The following IGBP1 variants were observed in gnomAD, a reference collection of about 807,000 sequenced individuals.
IGBP1 encodes immunoglobulin binding protein 1, also known as immunoglobulin-binding protein 1.
A neutral mutation model predicts 25.9 loss-of-function variants in IGBP1; 2 were observed. The observed-to-expected ratio is 0.08, with a 90% CI of 0.03 to 0.24. IGBP1 has a LOEUF of 0.24. Among genes scored for constraint, IGBP1 ranks in the 10% least tolerant of loss-of-function variants. IGBP1 has a pLI of 1.00. For synonymous variants in IGBP1, 96 were observed against 93.4 expected (o/e 1.03, Z -0.16); for missense variants, 187 against 260.4 (o/e 0.72, Z 1.94).
In IGBP1 at chrX:70,134,076, C is replaced by G. The variant is rs1194774053; in HGVS notation, c.129C>G (p.Phe43Leu). 8.3e-7 allele frequency: 1 copy of G among 1,211,849 alleles called. No homozygotes were observed. The highest frequency in any genetic ancestry group is 1.7e-5 in the African/African-American group (1 of 57,906). The change falls in exon 2 of 7, where the codon TTC becomes TTG. Residue 43 changes from phenylalanine to leucine, a missense_variant. Coordinates refer to ENST00000356413, the MANE Select transcript of IGBP1 (RefSeq NM_001551.3). ...AGSRIVQEKV[F>L]KGLDLLEKAA... ...CCCGGATAGTCCAGGAGAAGGTGTT[C>G]AAGGGCTTGGACCTCCTTGAGAAGG...
chrX:70,148,343 A>G (rs902972058), intron 4 of IGBP1, among the ~76,000 whole-genome samples: 2 of 112,001 alleles, frequency 1.8e-5, no homozygotes, highest in Non-Finnish European at 3.8e-5. Flanking sequence ...AATTAAGTGC[A>G]TAAGTACATT....
At chrX:70,142,399 C>T (rs901100481) in intron 3 of IGBP1, among the ~76,000 whole-genome samples, 1 of 111,003 alleles carries the variant, frequency 9.0e-6, no homozygotes, top group African/African-American at 3.3e-5. Flanking sequence ...GTTTCTAAGA[C>T]AGGGGAAAGG....
chrX:70,142,992 C>T (rs192456821), intron 3 of IGBP1, among the ~76,000 whole-genome samples: 1,999 of 100,585 alleles, frequency 0.02, 29 homozygotes, highest in Middle Eastern at 0.062. Flanking sequence ...GGCGCGACCT[C>T]GGCTCACTGC....
chrX:70,139,442 T>A (rs1208658361), intron 3 of IGBP1, among the ~76,000 whole-genome samples: 1 of 112,120 alleles, frequency 8.9e-6, no homozygotes. Flanking sequence ...CTGACAGATA[T>A]CAACACTTAA....
In IGBP1 at chrX:70,154,658, C is replaced by A. The variant is rs2085226228; in HGVS notation, c.871+4336C>A. ...CTTTGGGAGGCCAAAGTGGGAGGAT[C>A]CCTTGAGCCGAGGAGTTCAAGATCA... On this transcript the variant is annotated intron_variant, in intron 6 of 6. Transcript: ENST00000356413. 3.3e-5 allele frequency among the ~76,000 whole-genome samples: 3 copies of A among 90,680 alleles called. No homozygotes were observed. In the South Asian group the frequency reaches 1.7e-3, roughly 50 times the overall value. 78.7% of individuals were successfully genotyped at this position (90,680 alleles called of 115,157 possible).
intron 6 of IGBP1, among the ~76,000 whole-genome samples, chrX:70,157,301 A>T (rs1206507525): frequency 2.7e-5 from 3 of 110,944 alleles, no homozygotes; most frequent in Non-Finnish European, 5.7e-5. Context: ...AGAAAGCCCA[A>T]AGTAAATAGA....
chrX:70,136,512 A>C (rs1053044044), intron 3 of IGBP1, among the ~76,000 whole-genome samples: 1 of 110,902 alleles, frequency 9.0e-6, no homozygotes, highest in Non-Finnish European at 1.9e-5. Context: ...GCCCTATTGT[A>C]AGTTGAGATG....
chrX:70,161,625 G>A (rs2085271281), intron 6 of IGBP1, among the ~76,000 whole-genome samples: 1 of 111,680 alleles, frequency 9.0e-6, no homozygotes, highest in East Asian at 2.8e-4. Flanking sequence ...ACCTACCTTC[G>A]ACCTGCTCAG....
In IGBP1 at chrX:70,134,756, C is replaced by T. The variant is rs375696295; in HGVS notation, c.422C>T (p.Ser141Phe). 41 of 1,210,125 alleles carry T rather than the reference C, an allele frequency of 3.4e-5. No individual in the cohort carries two copies. In the African/African-American group the frequency reaches 5.2e-4, roughly 15 times the overall value. ...TCTGCTGAAAATCACACTGCCAATT[C>T]CTCCATGGCTTATCCTAGTCTCGTT... ...NNSAENHTAN[S>F]SMAYPSLVAM... Residue 141 changes from serine to phenylalanine, a missense_variant, in exon 3 of 7, where the codon TCC becomes TTC. Physicochemically the swap from Ser to Phe is radical, Grantham distance 155. Coordinates refer to ENST00000356413, the MANE Select transcript of IGBP1 (RefSeq NM_001551.3).
At position 70,134,659 on chromosome X, in the gene IGBP1, T is replaced by A; in HGVS notation, c.325T>A (p.Phe109Ile). ...TCATTTGCAGCGGGCTCGAGAACACTTTATAAACTACTTAACTCAGTGCCA... is the reference window on the plus strand; with the variant it reads ...TCATTTGCAGCGGGCTCGAGAACACATTATAAACTACTTAACTCAGTGCCA... ...LDHLQRAREH[F>I]INYLTQCHCY... Residue 109 changes from phenylalanine to isoleucine, a missense_variant, in exon 3 of 7, where the codon TTT (phenylalanine) becomes ATT (isoleucine). By Grantham distance (21) the Phe-to-Ile change is conservative (BLOSUM62 0). Coordinates refer to ENST00000356413, the MANE Select transcript of IGBP1 (RefSeq NM_001551.3). 1 of 1,212,038 alleles carries A rather than the reference T, an allele frequency of 8.3e-7. No homozygotes were observed. Among genetic ancestry groups the A allele is most frequent in the Non-Finnish European group, 1.1e-6 (1 of 895,507 alleles).
chrX:70,143,393 T>C (rs933843691), intron 3 of IGBP1, among the ~76,000 whole-genome samples: 4 of 112,202 alleles, frequency 3.6e-5, no homozygotes, highest in African/African-American at 1.3e-4. Flanking sequence ...GGCCATCTGG[T>C]GAGTGTGATG....
intron 3 of IGBP1, among the ~76,000 whole-genome samples, chrX:70,142,979 C>T (rs187538343): frequency 2.0e-4 from 19 of 96,628 alleles, no homozygotes; most frequent in South Asian, 1.2e-3. Flanking sequence ...GCTGGAGTGC[C>T]GTGGCGCGAC....
intron 6 of IGBP1, chrX:70,164,990 G>A (rs184501343): frequency 2.3e-4 from 26 of 111,177 alleles, no homozygotes; most frequent in African/African-American, 7.9e-4. Flanking sequence ...GAGCCCAGGA[G>A]TTCGAGGCTA....
At chrX:70,133,574 A>G in intron 1 of IGBP1, 34 bp downstream of exon 1, 1 of 380,917 alleles carries the variant, frequency 2.6e-6, no homozygotes, top group Non-Finnish European at 4.5e-6. Flanking sequence ...CCTAAAACGC[A>G]CTCGCTCGTC....
chrX:70,156,288 A>T (rs927140606), intron 6 of IGBP1, among the ~76,000 whole-genome samples: 9 of 52,106 alleles, frequency 1.7e-4, no homozygotes, highest in Non-Finnish European at 2.3e-4. Context: ...TCAATTTGTT[A>T]AAAAAAAAAA....
At chrX:70,161,644 C>T (rs999187646) in intron 6 of IGBP1, among the ~76,000 whole-genome samples, 2 of 112,113 alleles carry the variant, frequency 1.8e-5, no homozygotes, top group African/African-American at 6.5e-5. Flanking sequence ...AGAACACTTA[C>T]GTTAGTCCAC....
At chrX:70,142,121 C>CTAGAAGT (rs1384303747) in intron 3 of IGBP1, among the ~76,000 whole-genome samples, 4 of 111,344 alleles carry the variant, frequency 3.6e-5, no homozygotes, top group Non-Finnish European at 5.7e-5. Context: ...TTGTTTGAGT[C>CTAGAAGT]TAGAAGTTCG....
chrX:70,159,095 T>G (rs143116213), intron 6 of IGBP1, among the ~76,000 whole-genome samples: 1,369 of 111,551 alleles, frequency 0.012, 17 homozygotes, highest in African/African-American at 0.043. Flanking sequence ...GGAAGGACAA[T>G]ATAAAGCAGG....
intron 3 of IGBP1, among the ~76,000 whole-genome samples, chrX:70,140,523 GC>G (rs1210685514): frequency 8.9e-6 from 1 of 112,237 alleles, no homozygotes; most frequent in Non-Finnish European, 1.9e-5. Flanking sequence ...TGAAGTTATA[GC>G]TATCAGAGAT....
Sources: allele counts gnomAD v4.1 joint callset (sites outside exome capture counted in the v4.1 genomes callset), GRCh38; gene constraint gnomAD v4.1.1; transcripts MANE v1.5; gene names NCBI Gene and HGNC (gene_info 2026-07-23, HGNC 2026-07-21).